The following LARP4B variants were observed in gnomAD, a reference collection of about 807,000 sequenced individuals.
LARP4B encodes La ribonucleoprotein 4B.
A neutral mutation model predicts 89.8 loss-of-function variants in LARP4B; 12 were observed. The observed-to-expected ratio is 0.13, with a 90% CI of 0.09 to 0.22. The LOEUF (loss-of-function observed/expected upper bound fraction) is 0.22, where lower values mean the gene tolerates loss of function less well. LARP4B is among the 10% of genes least tolerant of loss of function. LARP4B has a pLI of 1.00. For missense variants in LARP4B, 757 were observed against 947.7 expected (o/e 0.80, Z 2.64); for synonymous variants, 367 against 363.3 (o/e 1.01, Z -0.12).
the LARP4B span, chr10:985,815 G>A: frequency 3.3e-5 from 5 of 152,222 alleles, no homozygotes; most frequent in South Asian, 2.1e-4. Flanking sequence ...TTCAATCAAC[G>A]GAGTTCCACA....
At chr10:828,626 A>G (rs1047018469) in intron 11 of LARP4B, among the ~76,000 whole-genome samples, 5 of 152,088 alleles carry the variant, frequency 3.3e-5, no homozygotes, top group Admixed American at 3.3e-4. Context: ...TACTAACTCA[A>G]TTTCTGCTTT....
the LARP4B span, among the ~76,000 whole-genome samples, chr10:976,843 G>A: frequency 4.7e-5 from 7 of 148,514 alleles, no homozygotes; most frequent in South Asian, 6.5e-4. Flanking sequence ...GTCATGTAAC[G>A]TGTGGACCCG....
the LARP4B span, chr10:987,884 C>G: frequency 1.3e-5 from 2 of 152,382 alleles, no homozygotes; most frequent in Non-Finnish European, 2.9e-5. Context: ...CACGAGAAAG[C>G]AGGGCTGCAG....
chr10:878,077 C>G (rs1031473409), intron 3 of LARP4B, among the ~76,000 whole-genome samples: 4 of 152,124 alleles, frequency 2.6e-5, no homozygotes, highest in African/African-American at 9.7e-5. Flanking sequence ...AGGCAGAGAG[C>G]CCTGCGGTAA....
intron 1 of LARP4B, among the ~76,000 whole-genome samples, chr10:924,678 AC>A (rs1159550884): frequency 6.6e-6 from 1 of 152,080 alleles, no homozygotes; most frequent in Non-Finnish European, 1.5e-5. Context: ...CTCTCTGCTG[AC>A]CTCTCACTCC....
intron 6 of LARP4B, among the ~76,000 whole-genome samples, chr10:844,772 G>A (rs1000916584): frequency 6.6e-6 from 1 of 152,046 alleles, no homozygotes; most frequent in Non-Finnish European, 1.5e-5. Context: ...AGTGACCACC[G>A]AGACCACTGG....
At chr10:865,091 A>G (rs989581508) in intron 3 of LARP4B, among the ~76,000 whole-genome samples, 3 of 152,236 alleles carry the variant, frequency 2.0e-5, no homozygotes, top group African/African-American at 7.2e-5. Flanking sequence ...GCATCCTTTG[A>G]GGAAGAAGAT....
chr10:859,471 C>A (rs1303749248), intron 5 of LARP4B, among the ~76,000 whole-genome samples: 6 of 152,256 alleles, frequency 3.9e-5, no homozygotes, highest in Admixed American at 3.9e-4. Flanking sequence ...AGTTCAGCAG[C>A]TTTCTACAGA....
At chr10:849,881 G>A (rs1188885752) in intron 5 of LARP4B, among the ~76,000 whole-genome samples, 5 of 152,200 alleles carry the variant, frequency 3.3e-5, no homozygotes, top group African/African-American at 7.2e-5. Context: ...TACTTGACTA[G>A]TACTCTTCAG....
intron 1 of LARP4B, among the ~76,000 whole-genome samples, chr10:909,235 G>A (rs543299165): frequency 3.4e-4 from 51 of 150,138 alleles, no homozygotes; most frequent in Middle Eastern, 3.4e-3. Context: ...TGGAGCTTGC[G>A]GTGAGCCGAG....
chr10:868,546 C>T (rs962549808), intron 3 of LARP4B, among the ~76,000 whole-genome samples: 1 of 152,222 alleles, frequency 6.6e-6, no homozygotes, highest in Non-Finnish European at 1.5e-5. Flanking sequence ...CTCACTTAGG[C>T]ATCATTTATG....
At chr10:870,669 T>A (rs1230011438) in intron 3 of LARP4B, among the ~76,000 whole-genome samples, 1 of 152,236 alleles carries the variant, frequency 6.6e-6, no homozygotes, top group Non-Finnish European at 1.5e-5. Flanking sequence ...CAGTCAGTAA[T>A]TCTGGGGTCA....
chr10:966,047 G>A, the LARP4B span, among the ~76,000 whole-genome samples: 121 of 127,944 alleles, frequency 9.5e-4, 2 homozygotes, highest in Non-Finnish European at 2.3e-4. Context: ...GTTCTTGTAT[G>A]TGTGGGTTTT....
chr10:963,826 C>A, the LARP4B span, among the ~76,000 whole-genome samples: 16 of 152,206 alleles, frequency 1.1e-4, no homozygotes, highest in Non-Finnish European at 2.4e-4. Context: ...AGCACAGGCT[C>A]AAAGTTGCAT....
In LARP4B at chr10:863,760, G is replaced by A. The variant is rs191648245; in HGVS notation, c.413C>T (p.Pro138Leu). The change falls in exon 5 of 18, where the codon CCT (proline) becomes CTT (leucine). Residue 138 changes from proline (P) to leucine (L), a missense_variant. Pro to Leu is a moderately conservative substitution (Grantham distance 98). Around this residue, in one of 5 missense-constraint regions of LARP4B, gnomAD observed 175 missense variants for 187.0 expected, o/e 0.94. Transcript: ENST00000316157. ...ALGPSEYDSL[P>L]ENSETGGNES... is the part of the protein sequence containing the mutation. ...ATGTTTACCTGTCTCGCTATTTTCA[G>A]GCAGAGAGTCATATTCTGAGGGACC... 38 of 1,609,778 alleles carry A rather than the reference G, an allele frequency of 2.4e-5. No homozygotes were observed. The South Asian group carries it at 2.7e-4, about 11-fold the overall frequency.
chr10:886,254 C>G (rs2131936130), intron 1 of LARP4B, among the ~76,000 whole-genome samples: 1 of 152,238 alleles, frequency 6.6e-6, no homozygotes, highest in East Asian at 1.9e-4. Context: ...AAATGCAGAA[C>G]AAAACCACAA....
At chr10:887,092 A>T (rs1166537833) in intron 1 of LARP4B, among the ~76,000 whole-genome samples, 6 of 106,708 alleles carry the variant, frequency 5.6e-5, no homozygotes, top group Admixed American at 3.9e-4. Context: ...CACCTCACTC[A>T]CACACACACA....
intron 1 of LARP4B, among the ~76,000 whole-genome samples, chr10:919,636 G>A (rs1836926592): frequency 6.6e-6 from 1 of 152,192 alleles, no homozygotes; most frequent in Admixed American, 6.5e-5. Flanking sequence ...ACAGTTGCCT[G>A]AGGACAGTAA....
rs146489323 is a variant in LARP4B, at chr10:910,747, C to T, written c.-40+20681G>A. Among the ~76,000 whole-genome samples the T allele has an allele frequency of 1.4e-4, 21 of 152,276 alleles. No individual in the cohort carries two copies. The East Asian group carries it at 3.3e-3, about 24-fold the overall frequency. On this transcript the variant is annotated intron_variant, in intron 1 of 17. Transcript: ENST00000316157. ...AAGGACTGGCAGATACTGGTGGTTA[C>T]GTTTTATAGAGCATGCTTTTAAGAT...
Sources: allele counts gnomAD v4.1 joint callset (sites outside exome capture counted in the v4.1 genomes callset), GRCh38; gene constraint gnomAD v4.1.1; regional missense constraint gnomAD v4.1.1; transcripts MANE v1.5; gene names NCBI Gene and HGNC (gene_info 2026-07-23, HGNC 2026-07-21).